The following GPC6 variants were observed in gnomAD, a reference collection of about 807,000 sequenced individuals.
The protein encoded by GPC6 is glypican 6, also known as glypican-6.
Under a neutral mutation model 55.2 loss-of-function variants are expected in GPC6, and 14 were observed. The observed-to-expected ratio is 0.25, with a 90% CI of 0.17 to 0.40. The LOEUF (loss-of-function observed/expected upper bound fraction) is 0.40. Ranked by LOEUF, GPC6 falls within the 10% of genes least tolerant of loss-of-function variation. The pLI is 1.00. For missense variants in GPC6, 641 were observed against 708.5 expected (o/e 0.90, Z 1.08); for synonymous variants, 278 against 259.6 (o/e 1.07, Z -0.68).
intron 4 of GPC6, among the ~76,000 whole-genome samples, chr13:94,284,035 A>T (rs1283492531): frequency 6.6e-6 from 1 of 152,194 alleles, no homozygotes; most frequent in Non-Finnish European, 1.5e-5. Flanking sequence ...GTCCTAAGGC[A>T]TGGCTTTCCT....
intron 6 of GPC6, among the ~76,000 whole-genome samples, chr13:94,355,026 TC>T (rs1314473833): frequency 4.5e-5 from 5 of 110,750 alleles, no homozygotes; most frequent in African/African-American, 1.2e-4. Flanking sequence ...CAGTGGCTCT[TC>T]TTTTTTTTTT....
At chr13:94,027,218 C>T (rs563526030) in intron 3 of GPC6, among the ~76,000 whole-genome samples, 1 of 152,096 alleles carries the variant, frequency 6.6e-6, no homozygotes, top group South Asian at 2.1e-4. Context: ...GCTGCAGATG[C>T]CCAAAGATGG....
At chr13:93,983,182 G>T (rs1417953501) in intron 3 of GPC6, among the ~76,000 whole-genome samples, 3 of 152,208 alleles carry the variant, frequency 2.0e-5, no homozygotes, top group African/African-American at 7.2e-5. Flanking sequence ...AGAAAAGCTT[G>T]TGCAAGACCT....
chr13:93,624,907 G>T (rs1879137081), intron 2 of GPC6, among the ~76,000 whole-genome samples: 1 of 152,232 alleles, frequency 6.6e-6, no homozygotes, highest in South Asian at 2.1e-4. Context: ...TTGATATTAA[G>T]TGATAGAATT....
chr13:94,241,646 A>G (rs1422743027), intron 4 of GPC6, among the ~76,000 whole-genome samples: 2 of 152,168 alleles, frequency 1.3e-5, no homozygotes, highest in African/African-American at 2.4e-5. Flanking sequence ...CCCAGAAGCT[A>G]AAACAGAAAA....
At chr13:93,948,013 C>G (rs1879089966) in intron 3 of GPC6, among the ~76,000 whole-genome samples, 1 of 151,928 alleles carries the variant, frequency 6.6e-6, no homozygotes, top group Non-Finnish European at 1.5e-5. Flanking sequence ...ATTATTGTAT[C>G]CTGTGTTGTA....
At chr13:94,058,924 T>A (rs1884226316) in intron 4 of GPC6, among the ~76,000 whole-genome samples, 1 of 152,226 alleles carries the variant, frequency 6.6e-6, no homozygotes. Flanking sequence ...TTCATCATTC[T>A]TTCAATCATG....
intron 4 of GPC6, among the ~76,000 whole-genome samples, chr13:94,277,277 GTT>G (rs58525523): frequency 1.7e-4 from 25 of 148,536 alleles, no homozygotes; most frequent in South Asian, 8.5e-4. Flanking sequence ...TTTTTGATGG[GTT>G]TTTTTTTTTC....
At chr13:93,266,162 A>G (rs1472442265) in intron 1 of GPC6, among the ~76,000 whole-genome samples, 1 of 152,178 alleles carries the variant, frequency 6.6e-6, no homozygotes, top group Non-Finnish European at 1.5e-5. Flanking sequence ...AAAAGTAGTA[A>G]TTAGTTATGT....
chr13:93,896,544 A>G (rs1334877738), intron 3 of GPC6, among the ~76,000 whole-genome samples: 1 of 152,128 alleles, frequency 6.6e-6, no homozygotes, highest in East Asian at 1.9e-4. Context: ...CCAGAAATGG[A>G]TAAAAGATGT....
chr13:93,696,079 C>A (rs1049669489), intron 2 of GPC6, among the ~76,000 whole-genome samples: 2 of 152,088 alleles, frequency 1.3e-5, no homozygotes, highest in Non-Finnish European at 2.9e-5. Flanking sequence ...AATGTATTCC[C>A]AAATACATGG....
intron 2 of GPC6, among the ~76,000 whole-genome samples, chr13:93,681,704 A>T (rs1165189446): frequency 1.3e-5 from 2 of 152,336 alleles, no homozygotes; most frequent in East Asian, 3.9e-4. Flanking sequence ...TCCATTTAAA[A>T]TACATTTTAT....
chr13:93,288,983 C>T (rs1002829925), intron 1 of GPC6, among the ~76,000 whole-genome samples: 1 of 152,154 alleles, frequency 6.6e-6, no homozygotes, highest in African/African-American at 2.4e-5. Context: ...ACAATGAGAG[C>T]AGTGAAATGA....
At chr13:94,278,724 G>A (rs1256470670) in intron 4 of GPC6, among the ~76,000 whole-genome samples, 1 of 152,114 alleles carries the variant, frequency 6.6e-6, no homozygotes, top group Non-Finnish European at 1.5e-5. Context: ...TTCTATTTAT[G>A]TGATGGATTA....
intron 3 of GPC6, among the ~76,000 whole-genome samples, chr13:93,982,789 G>T (rs1880863943): frequency 6.6e-6 from 1 of 152,140 alleles, no homozygotes; most frequent in Non-Finnish European, 1.5e-5. Context: ...CTGCCAAATG[G>T]TATTGAGTTG....
intron 4 of GPC6, among the ~76,000 whole-genome samples, chr13:94,030,657 C>G (rs1883089224): frequency 6.6e-6 from 1 of 152,188 alleles, no homozygotes; most frequent in Non-Finnish European, 1.5e-5. Flanking sequence ...CTTTGGGCTT[C>G]TGGCATCTCT....
intron 6 of GPC6, among the ~76,000 whole-genome samples, chr13:94,331,835 C>T (rs544311738): frequency 6.1e-4 from 93 of 152,248 alleles, no homozygotes; most frequent in African/African-American, 2.2e-3. Context: ...AGATTTCTTC[C>T]TCAGGGAAAG....
intron 1 of GPC6, among the ~76,000 whole-genome samples, chr13:93,342,690 A>G (rs1056465631): frequency 6.6e-6 from 1 of 152,092 alleles, no homozygotes; most frequent in African/African-American, 2.4e-5. Context: ...TCGTGAAGAG[A>G]AATGAGTGGA....
intron 2 of GPC6, among the ~76,000 whole-genome samples, chr13:93,729,808 T>C (rs764231398): frequency 2.6e-5 from 4 of 152,174 alleles, no homozygotes; most frequent in East Asian, 1.9e-4. Flanking sequence ...AAATGGGGTG[T>C]ATTCCTTCAG....
Sources: allele counts gnomAD v4.1 joint callset (sites outside exome capture counted in the v4.1 genomes callset), GRCh38; gene constraint gnomAD v4.1.1; transcripts MANE v1.5; gene names NCBI Gene and HGNC (gene_info 2026-07-23, HGNC 2026-07-21).